The following HERC4 variants were observed in gnomAD, a reference collection of about 807,000 sequenced individuals.
The protein encoded by HERC4 is HECT and RLD domain containing E3 ubiquitin protein ligase 4.
In HERC4, 28 loss-of-function variants were observed where a neutral mutation model predicts 124.3. The observed-to-expected ratio is 0.23, with a 90% CI of 0.17 to 0.31. The LOEUF (loss-of-function observed/expected upper bound fraction) is 0.31, where lower values mean the gene tolerates loss of function less well. Among genes scored for constraint, HERC4 ranks in the 10% least tolerant of loss-of-function variants. The pLI, the probability that HERC4 is intolerant of heterozygous loss-of-function variation, is 1.00. For missense variants in HERC4, 713 were observed against 1,229.3 expected, an observed-to-expected ratio of 0.58 and a Z score of 6.28; for synonymous variants, 407 against 421.5, an observed-to-expected ratio of 0.97 and a Z score of 0.42.
intron 17 of HERC4, chr10:67,955,952 C>G (rs1374243020): frequency 6.6e-6 from 1 of 151,862 alleles, no homozygotes; most frequent in African/African-American, 2.4e-5. Flanking sequence ...ATGGAATATC[C>G]CATGGTAAAA....
chr10:67,939,936 AT>A (rs1564930533), intron 20 of HERC4, among the ~76,000 whole-genome samples: 1 of 151,752 alleles, frequency 6.6e-6, no homozygotes, highest in African/African-American at 2.4e-5. Context: ...ATTTTATTTT[AT>A]TTTTCCCGAG....
At chr10:68,035,519 T>C (rs958981491) in intron 5 of HERC4, among the ~76,000 whole-genome samples, 9 of 152,178 alleles carry the variant, frequency 5.9e-5, no homozygotes, top group African/African-American at 1.2e-4. Flanking sequence ...CACATATAAA[T>C]AGACATTTGT....
At chr10:67,943,699 G>C (rs188483882) in intron 19 of HERC4, among the ~76,000 whole-genome samples, 2 of 152,318 alleles carry the variant, frequency 1.3e-5, no homozygotes, top group African/African-American at 4.8e-5. Flanking sequence ...ATGAAGGTCT[G>C]TACAGTGAAC....
At chr10:67,967,725 A>C (rs1341874360) in intron 15 of HERC4, among the ~76,000 whole-genome samples, 2 of 152,198 alleles carry the variant, frequency 1.3e-5, no homozygotes, top group Admixed American at 1.3e-4. Context: ...ATGATCTATG[A>C]AGTAAAAATA....
chr10:67,957,912 A>T (rs954637094), intron 16 of HERC4, among the ~76,000 whole-genome samples: 3 of 152,024 alleles, frequency 2.0e-5, no homozygotes. Context: ...GGTTCAAGCG[A>T]TTCTCCTGCC....
At chr10:68,043,199 A>C (rs1200671152) in intron 4 of HERC4, among the ~76,000 whole-genome samples, 2 of 152,232 alleles carry the variant, frequency 1.3e-5, no homozygotes, top group Non-Finnish European at 2.9e-5. Context: ...TATGAGAATC[A>C]TCAGACTGGT....
intron 4 of HERC4, among the ~76,000 whole-genome samples, chr10:68,040,968 A>C (rs971808863): frequency 6.6e-6 from 1 of 152,066 alleles, no homozygotes; most frequent in African/African-American, 2.4e-5. Flanking sequence ...ATATATACAC[A>C]CACACACATT....
At chr10:68,070,842 T>A (rs1363097820) in intron 3 of HERC4, among the ~76,000 whole-genome samples, 1 of 152,148 alleles carries the variant, frequency 6.6e-6, no homozygotes, top group Admixed American at 6.5e-5. Flanking sequence ...ACTTATTTCC[T>A]AGCTGTTTAT....
chr10:67,953,290 T>C (rs1589166619), intron 19 of HERC4, among the ~76,000 whole-genome samples: 1 of 152,198 alleles, frequency 6.6e-6, no homozygotes, highest in East Asian at 1.9e-4. Flanking sequence ...CAATAGAGTA[T>C]AACAATTTTA....
At chr10:67,975,331 T>A (rs1233849578) in intron 15 of HERC4, among the ~76,000 whole-genome samples, 2 of 152,196 alleles carry the variant, frequency 1.3e-5, no homozygotes, top group African/African-American at 4.8e-5. Context: ...ATGAGTATAC[T>A]AAGGCTTAGC....
rs1384677800 is a variant in HERC4, at chr10:67,966,729, A to G, written c.1880T>C (p.Ile627Thr). Reference sequence around the variant, plus strand: ...GACCCAGTTGATATAATCATTTCTTATGTCTATCAATTCTTGTACTTCATG... The same window carrying G: ...GACCCAGTTGATATAATCATTTCTTGTGTCTATCAATTCTTGTACTTCATG... ...YIHEVQELID[I>T]RNDYINWVQQ... Residue 627 changes from isoleucine (I) to threonine (T), a missense_variant, in exon 16 of 25, where the codon ATA becomes ACA. Coordinates refer to ENST00000373700, the MANE Select transcript of HERC4 (RefSeq NM_015601.4). 3.1e-6 allele frequency: 5 copies of G among 1,606,300 alleles called. No individual in the cohort carries two copies. Among genetic ancestry groups the G allele is most frequent in the Admixed American group, 1.7e-5 (1 of 59,452 alleles).
chr10:67,977,921 T>C (rs1413475757), intron 15 of HERC4, among the ~76,000 whole-genome samples: 1 of 151,286 alleles, frequency 6.6e-6, no homozygotes, highest in Non-Finnish European at 1.5e-5. Flanking sequence ...GTAGAGAGTA[T>C]AGTGAGCCGA....
intron 5 of HERC4, 46 bp downstream of exon 5, chr10:68,038,047 T>C: frequency 5.7e-6 from 6 of 1,048,576 alleles, no homozygotes; most frequent in Non-Finnish European, 8.5e-6. Flanking sequence ...CAAAAAAGTA[T>C]CAAGTAATAA....
chr10:67,927,449 T>C (rs1291683345), intron 23 of HERC4, among the ~76,000 whole-genome samples: 8 of 108,214 alleles, frequency 7.4e-5, no homozygotes, highest in Non-Finnish European at 1.4e-4. Flanking sequence ...TTTTTTTAGA[T>C]AGAGTCTTGC....
intron 16 of HERC4, among the ~76,000 whole-genome samples, chr10:67,959,963 G>A (rs2034398306): frequency 6.6e-6 from 1 of 152,242 alleles, no homozygotes; most frequent in Admixed American, 6.5e-5. Context: ...CCAGAAGAGA[G>A]GGCATTGCCC....
At chr10:68,065,037 G>A (rs1261880753) in intron 3 of HERC4, among the ~76,000 whole-genome samples, 3 of 151,496 alleles carry the variant, frequency 2.0e-5, no homozygotes, top group African/African-American at 4.8e-5. Context: ...ATGATGAAAT[G>A]TTAATTATAT....
At chr10:68,059,281 T>G (rs1469670400) in intron 3 of HERC4, among the ~76,000 whole-genome samples, 1 of 151,152 alleles carries the variant, frequency 6.6e-6, no homozygotes, top group Admixed American at 6.7e-5. Context: ...TTAGAGAAAA[T>G]TGACGGGTTG....
chr10:67,946,823 T>C (rs1439621669), intron 19 of HERC4, among the ~76,000 whole-genome samples: 3 of 152,000 alleles, frequency 2.0e-5, no homozygotes. Flanking sequence ...AAGAGAATAG[T>C]ATGAACCTGG....
chr10:67,977,195 T>C (rs149451955), intron 15 of HERC4, among the ~76,000 whole-genome samples: 22 of 152,234 alleles, frequency 1.4e-4, no homozygotes, highest in African/African-American at 4.6e-4. Flanking sequence ...GGGGAGAACT[T>C]TGTCTTGCAT....
Sources: allele counts gnomAD v4.1 joint callset (sites outside exome capture counted in the v4.1 genomes callset), GRCh38; gene constraint gnomAD v4.1.1; transcripts MANE v1.5; gene names NCBI Gene and HGNC (gene_info 2026-07-23, HGNC 2026-07-21).